NIN: variants seen among roughly 807,000 people sequenced by gnomAD.
NIN encodes ninein, also known as glycogen synthase kinase 3 beta-interacting protein.
NIN carries 137 observed loss-of-function variants against 257.6 expected under a neutral mutation model. The observed-to-expected ratio is 0.53, with a 90% CI of 0.46 to 0.61. The LOEUF is 0.61. Ranked by LOEUF, NIN falls within the 20% of genes least tolerant of loss-of-function variation. NIN has a pLI of 0.00. For synonymous variants in NIN, 918 were observed against 919.8 expected, an observed-to-expected ratio of 1.00 and a Z score of 0.04; for missense variants, 2,439 against 2,501.2, an observed-to-expected ratio of 0.98 and a Z score of 0.53.
chr14:50,801,087 CTTTTTTTT>C (rs141791731), intron 4 of NIN, among the ~76,000 whole-genome samples: 1 of 88,232 alleles, frequency 1.1e-5, no homozygotes. Flanking sequence ...CTGCGCCCGG[CTTTTTTTT>C]TTTTTTTTTT....
At position 50,721,512 on chromosome 14, in the gene NIN, T is replaced by C. The variant is rs2040270091; in HGVS notation, c.*1951A>G. The C allele has an allele frequency of 4.6e-6, 1 of 217,276 alleles. No individual in the cohort carries two copies. The highest frequency in any genetic ancestry group is 2.2e-5 in the African/African-American group (1 of 44,560). 13.5% of individuals were successfully genotyped at this position (217,276 alleles called of 1,614,324 possible). A position where few individuals can be genotyped will look rare whatever the true frequency, so the allele number is the denominator to read the frequency against. On this transcript the variant is annotated 3_prime_UTR_variant, in exon 31 of 31. Transcript: ENST00000530997. The stretch of plus-strand genomic sequence containing the variant: ...ATCACATAAATACACTACAGGTACT[T>C]AGTTTATTTTTGTCCTTAGCCTAGG...
intron 14 of NIN, among the ~76,000 whole-genome samples, chr14:50,764,697 T>C (rs548905528): frequency 6.6e-6 from 1 of 152,118 alleles, no homozygotes; most frequent in East Asian, 1.9e-4. Flanking sequence ...TTATGTTAAA[T>C]GAAGGAAGCC....
intron 21 of NIN, among the ~76,000 whole-genome samples, chr14:50,748,617 A>G (rs2041656926): frequency 6.6e-6 from 1 of 152,266 alleles, no homozygotes; most frequent in Non-Finnish European, 1.5e-5. Context: ...AAGCAACTTC[A>G]GCAAAGTCTC....
Position 50,743,410 on chromosome 14 carries a change from A to G in NIN, c.5301+6T>C, listed in dbSNP as rs371002768. On this transcript the variant is annotated splice_donor_region_variant and intron_variant, in intron 24 of 30. Coordinates refer to ENST00000530997, the MANE Select transcript of NIN (RefSeq NM_020921.4). ...CGTGAAGATGAAACAAGAATTGTCC[A>G]TGTACCTTTTCCTGAGAAGCCACCA... The G allele has an allele frequency of 2.8e-5, 44 of 1,555,312 alleles. No individual in the cohort carries two copies. The highest frequency in any genetic ancestry group is 3.6e-5 in the Non-Finnish European group (41 of 1,126,408).
intron 5 of NIN, among the ~76,000 whole-genome samples, chr14:50,786,003 G>T (rs1481839404): frequency 2.0e-5 from 3 of 152,194 alleles, no homozygotes; most frequent in Non-Finnish European, 4.4e-5. Flanking sequence ...ACAAGTGCAT[G>T]CGGGGGATGA....
Position 50,763,961 on chromosome 14 carries a change from G to A in NIN, c.1639C>T (p.Leu547=). The part of the protein sequence containing the change: ...RNEYERQCRV[L]QDQVDELQSE... ...TGGAGTTCATCTACTTGGTCTTGTA[G>A]TACCTGGGATTTAAAAACCAACACT... Residue 547 remains leucine (L), a synonymous_variant, in exon 15 of 31, where the codon CTA becomes TTA. Coordinates refer to ENST00000530997, the MANE Select transcript of NIN (RefSeq NM_020921.4). 2 of 1,613,138 alleles carry A rather than the reference G, an allele frequency of 1.2e-6. No homozygotes were observed. Among genetic ancestry groups the A allele is most frequent in the Non-Finnish European group, 1.7e-6 (2 of 1,179,224 alleles).
chr14:50,772,402 C>T lies in NIN; in HGVS notation c.880G>A (p.Val294Ile), dbSNP rs2042771052. The change falls in exon 9 of 31, where the codon GTC becomes ATC. Residue 294 changes from valine to isoleucine, a missense_variant. Around this residue, in one of 3 missense-constraint regions of NIN, gnomAD observed 387 missense variants for 427.3 expected, o/e 0.91. Transcript: ENST00000530997. ...SAMTSTIGFR[V>I]FSCLDDGMGH... The stretch of plus-strand genomic sequence containing the variant: ...ATCCCATCATCCAGGCAGGAGAAGA[C>T]CCGAAAGCCAATGGTACTTGTCATT... The T allele has an allele frequency of 6.2e-7, 1 of 1,614,154 alleles. No homozygotes were observed. Among genetic ancestry groups the T allele is most frequent in the Non-Finnish European group, 8.5e-7 (1 of 1,180,020 alleles).
intron 24 of NIN, among the ~76,000 whole-genome samples, chr14:50,742,567 TG>T (rs1441310950): frequency 6.6e-6 from 1 of 152,034 alleles, no homozygotes; most frequent in Non-Finnish European, 1.5e-5. Flanking sequence ...CTAATTTTTT[TG>T]TATTTTTAGT....
At chr14:50,805,537 C>T (rs72683634) in intron 4 of NIN, among the ~76,000 whole-genome samples, 17,631 of 152,168 alleles carry the variant, frequency 0.12, 1,212 homozygotes, top group East Asian at 0.3. Context: ...TGTCCATACA[C>T]ACAACACAAA....
At chr14:50,821,794 T>C (rs1479985467) in intron 3 of NIN, 80 bp downstream of exon 3, 4 of 1,112,212 alleles carry the variant, frequency 3.6e-6, no homozygotes, top group African/African-American at 1.5e-5. Context: ...AGTTGCAACA[T>C]GTGTGGTCCG....
chr14:50,760,373 G>A lies in NIN; in HGVS notation c.1897-14C>T. ...ATAATGGCGCACCTGAAGGCACAGA[G>A]TGACACCACCACAAGATTACTCAGC... On this transcript the variant is annotated splice_polypyrimidine_tract_variant and intron_variant, in intron 16 of 30. Transcript: ENST00000530997. 1 of 1,517,088 alleles carries A rather than the reference G, an allele frequency of 6.6e-7. No homozygotes were observed. The allele number at this position is 1,517,088 out of a possible 1,614,324, so 94.0% of individuals were successfully genotyped here.
At chr14:50,767,999 A>T (rs1189261820) in intron 12 of NIN, among the ~76,000 whole-genome samples, 1 of 151,380 alleles carries the variant, frequency 6.6e-6, no homozygotes, top group African/African-American at 2.4e-5. Context: ...AAGTTTTTTT[A>T]AAAGGATCTG....
intron 3 of NIN, among the ~76,000 whole-genome samples, chr14:50,813,362 A>G (rs1209634504): frequency 6.6e-6 from 1 of 152,246 alleles, no homozygotes. Flanking sequence ...TTTTACAAGC[A>G]TTCCTATACC....
At chr14:50,753,790 T>G (rs1455196043) in intron 20 of NIN, among the ~76,000 whole-genome samples, 1 of 152,200 alleles carries the variant, frequency 6.6e-6, no homozygotes, top group African/African-American at 2.4e-5. Flanking sequence ...ATATCAATCT[T>G]TACTTCTTGC....
intron 29 of NIN, among the ~76,000 whole-genome samples, chr14:50,726,950 C>A (rs2040435938): frequency 6.6e-6 from 1 of 152,016 alleles, no homozygotes; most frequent in South Asian, 2.1e-4. Context: ...AGTAGTAACA[C>A]TTAATCATAA....
chr14:50,755,824 C>G (rs1267396457), intron 18 of NIN, among the ~76,000 whole-genome samples: 3 of 151,938 alleles, frequency 2.0e-5, no homozygotes, highest in Non-Finnish European at 2.9e-5. Flanking sequence ...ACCACCACGC[C>G]CAGCAAACAT....
chr14:50,744,182 G>GAAAGGTTCATTATGGTGT, intron 23 of NIN, 61 bp downstream of exon 23: 3 of 1,577,716 alleles, frequency 1.9e-6, no homozygotes, highest in Non-Finnish European at 2.6e-6. Context: ...TGTCCACAGA[G>GAAAGGTTCATTATGGTGT]AAAGGTTCAT....
At chr14:50,774,524 T>C (rs1205271827) in intron 7 of NIN, among the ~76,000 whole-genome samples, 1 of 152,184 alleles carries the variant, frequency 6.6e-6, no homozygotes, top group Admixed American at 6.5e-5. Context: ...AATGGAAAGA[T>C]ATTTGGGGCA....
intron 4 of NIN, among the ~76,000 whole-genome samples, chr14:50,795,343 A>G (rs1454456575): frequency 6.6e-6 from 1 of 152,240 alleles, no homozygotes; most frequent in East Asian, 1.9e-4. Flanking sequence ...TTAACATGAT[A>G]CGATGGGAAC....
Sources: allele counts gnomAD v4.1 joint callset (sites outside exome capture counted in the v4.1 genomes callset), GRCh38; gene constraint gnomAD v4.1.1; regional missense constraint gnomAD v4.1.1; transcripts MANE v1.5; gene names NCBI Gene and HGNC (gene_info 2026-07-23, HGNC 2026-07-21).